Variants in PDCL2 observed in about 807,000 individuals in gnomAD.
The protein encoded by PDCL2 is phosducin like 2, also known as phosducin-like protein 2.
In PDCL2, 23 loss-of-function variants were observed where a neutral mutation model predicts 30.3. The ratio of observed to expected loss-of-function variants is 0.76; its 90% CI spans 0.55 to 1.08. The LOEUF is 1.08. PDCL2 is among the 50% of genes least tolerant of loss of function. The pLI is 0.00. For synonymous variants in PDCL2, 68 were observed against 86.2 expected, an observed-to-expected ratio of 0.79 and a Z score of 1.17; for missense variants, 243 against 282.3, an observed-to-expected ratio of 0.86 and a Z score of 1.00.
chr4:55,582,798 T>C (rs1732761087), intron 1 of PDCL2, among the ~76,000 whole-genome samples: 1 of 129,804 alleles, frequency 7.7e-6, no homozygotes, highest in Non-Finnish European at 1.6e-5. Context: ...GATGTTCCCC[T>C]TCCCGTGTCC....
Position 55,556,571 on chromosome 4 carries a change from T to C in PDCL2, c.712A>G (p.Asn238Asp), listed in dbSNP as rs774759550. The C allele has an allele frequency of 3.9e-6, 6 of 1,556,674 alleles. No homozygotes were observed. The East Asian group carries it at 6.9e-5, about 18-fold the overall frequency. The change falls in exon 6 of 6, where the codon AAT becomes GAT. Residue 238 changes from asparagine (N) to aspartate (D), a missense_variant. Asn to Asp is a conservative substitution (Grantham distance 23, BLOSUM62 1). Coordinates refer to ENST00000295645, the MANE Select transcript of PDCL2 (RefSeq NM_152401.3). ...HDDSDSSNSD[N>D]DTK Reference sequence around the variant, plus strand: ...AATATTTCTCTCTATTTGGTATCATTATCACTGTTGGAGCTATCACTGTCA... The same window carrying C: ...AATATTTCTCTCTATTTGGTATCATCATCACTGTTGGAGCTATCACTGTCA...
intron 3 of PDCL2, among the ~76,000 whole-genome samples, chr4:55,571,565 TG>T (rs1577910321): frequency 1.2e-5 from 1 of 82,528 alleles, no homozygotes; most frequent in East Asian, 5.1e-4. Context: ...CGGGCGCCTG[TG>T]GTCCCAGCTA....
In PDCL2 at chr4:55,564,046, C is replaced by G. The variant is rs185494746; in HGVS notation, c.363-1434G>C. Among the ~76,000 whole-genome samples the G allele has an allele frequency of 2.6e-4, 40 of 152,324 alleles. No homozygotes were observed. The East Asian group carries it at 6.8e-3, about 26-fold the overall frequency. The stretch of plus-strand genomic sequence containing the variant: ...AAAAGACAGCTTTACGGGGTTACTT[C>G]AGTTTTGCTGGCTCTCTGAACACCC... On this transcript the variant is annotated intron_variant, in intron 4 of 5. Transcript: ENST00000295645.
At chr4:55,585,974 C>A (rs1732854570) in intron 1 of PDCL2, among the ~76,000 whole-genome samples, 1 of 152,028 alleles carries the variant, frequency 6.6e-6, no homozygotes, top group Non-Finnish European at 1.5e-5. Flanking sequence ...TTTCAAAAAA[C>A]CAAAGATTTT....
At chr4:55,575,097 A>G (rs549528915) in intron 3 of PDCL2, among the ~76,000 whole-genome samples, 1 of 152,170 alleles carries the variant, frequency 6.6e-6, no homozygotes, top group South Asian at 2.1e-4. Context: ...GTAGTCTCCC[A>G]ATGTGGGGTC....
intron 1 of PDCL2, among the ~76,000 whole-genome samples, chr4:55,585,618 T>C (rs1465835219): frequency 2.0e-5 from 3 of 152,188 alleles, no homozygotes; most frequent in Non-Finnish European, 4.4e-5. Context: ...AGAAGGATTG[T>C]TATTAGTTCT....
chr4:55,580,696 CA>C (rs1732686368), intron 3 of PDCL2, 124 bp downstream of exon 3: 1 of 620,188 alleles, frequency 1.6e-6, no homozygotes, highest in Non-Finnish European at 2.5e-6. Flanking sequence ...AAGGGAGTTT[CA>C]AAATGTTACT....
chr4:55,590,459 C>A (rs1243512735), intron 1 of PDCL2, among the ~76,000 whole-genome samples: 288 of 95,662 alleles, frequency 3.0e-3, no homozygotes, highest in South Asian at 3.9e-3. Flanking sequence ...ATCCTGTCTC[C>A]AAAAAAAAAA....
At chr4:55,568,086 C>G (rs768405290) in intron 4 of PDCL2, among the ~76,000 whole-genome samples, 9 of 152,164 alleles carry the variant, frequency 5.9e-5, no homozygotes, top group Admixed American at 3.9e-4. Flanking sequence ...GGGTTATATA[C>G]AGGGCTATAA....
chr4:55,559,420 A>G (rs1732068061), intron 5 of PDCL2, among the ~76,000 whole-genome samples: 1 of 152,210 alleles, frequency 6.6e-6, no homozygotes, highest in South Asian at 2.1e-4. Context: ...AAGTTATTGA[A>G]TCAGACATAT....
chr4:55,573,679 A>T (rs1732489180), intron 3 of PDCL2, among the ~76,000 whole-genome samples: 1 of 152,050 alleles, frequency 6.6e-6, no homozygotes, highest in South Asian at 2.1e-4. Flanking sequence ...TGAGCCCAGG[A>T]GACAGAGGCT....
intron 3 of PDCL2, among the ~76,000 whole-genome samples, chr4:55,580,588 A>C (rs1316461616): frequency 1.3e-5 from 2 of 152,178 alleles, no homozygotes; most frequent in Non-Finnish European, 2.9e-5. Context: ...TAGCTTGATG[A>C]AGTTATATTG....
rs141652678 is a variant in PDCL2, at chr4:55,590,282, G to C, written c.6+1822C>G. On this transcript the variant is annotated intron_variant, in intron 1 of 5. Transcript: ENST00000295645. ...TTTTCCACCTTGAGCCCAACAGTTT[G>C]AGATCAACCTGGGTTTGGCGAGGCC... Among the ~76,000 whole-genome samples, 361 of 144,506 alleles carry C rather than the reference G, an allele frequency of 2.5e-3. 2 individuals carry two copies. Among genetic ancestry groups the C allele is most frequent in the African/African-American group, 8.8e-3 (349 of 39,828 alleles). The allele number at this position is 144,506 out of a possible 152,430, so 94.8% of individuals were successfully genotyped here.
At chr4:55,591,106 G>C (rs183091701) in intron 1 of PDCL2, among the ~76,000 whole-genome samples, 58 of 152,246 alleles carry the variant, frequency 3.8e-4, no homozygotes, top group African/African-American at 1.2e-3. Context: ...TCCATTATTA[G>C]CATGAAAGGA....
intron 4 of PDCL2, among the ~76,000 whole-genome samples, chr4:55,564,106 T>C (rs1401296241): frequency 1.3e-5 from 2 of 152,160 alleles, no homozygotes; most frequent in African/African-American, 4.8e-5. Context: ...TATCTTAGGG[T>C]AAAATGTTTT....
intron 1 of PDCL2, among the ~76,000 whole-genome samples, chr4:55,588,899 C>T: frequency 6.6e-6 from 1 of 151,310 alleles, no homozygotes; most frequent in East Asian, 1.9e-4. Context: ...GCTCTGTTGC[C>T]CAGGCTGGAG....
chr4:55,583,093 A>T (rs919970611), intron 1 of PDCL2, among the ~76,000 whole-genome samples: 1 of 152,136 alleles, frequency 6.6e-6, no homozygotes, highest in African/African-American at 2.4e-5. Context: ...CTCATGCCTC[A>T]GCCTCCTGAG....
At chr4:55,580,934 T>C (rs752164568) in intron 2 of PDCL2, 23 bp from the exon 3 acceptor site, 4 of 1,559,482 alleles carry the variant, frequency 2.6e-6, no homozygotes, top group Non-Finnish European at 3.5e-6. Context: ...AAATTATAGA[T>C]TATCAAATTG....
At chr4:55,560,867 T>C (rs990624080) in intron 5 of PDCL2, among the ~76,000 whole-genome samples, 1 of 151,844 alleles carries the variant, frequency 6.6e-6, no homozygotes, top group Non-Finnish European at 1.5e-5. Flanking sequence ...AATGAAGAGG[T>C]CACCATCTAT....
Sources: allele counts gnomAD v4.1 joint callset (sites outside exome capture counted in the v4.1 genomes callset), GRCh38; gene constraint gnomAD v4.1.1; transcripts MANE v1.5; gene names NCBI Gene and HGNC (gene_info 2026-07-23, HGNC 2026-07-21).